RRP12: variants seen among roughly 807,000 people sequenced by gnomAD.
The protein encoded by RRP12 is ribosomal RNA processing 12 homolog.
Under a neutral mutation model 157.3 loss-of-function variants are expected in RRP12, and 78 were observed. The observed-to-expected ratio is 0.50, with a 90% CI of 0.41 to 0.60. The LOEUF is 0.60. RRP12 is among the 20% of genes least tolerant of loss of function. The pLI is 0.00. For synonymous variants in RRP12, 726 were observed against 670.9 expected (o/e 1.08, Z -1.27); for missense variants, 1,521 against 1,679.9 (o/e 0.91, Z 1.65).
chr10:97,373,092 GC>G lies in RRP12; in HGVS notation c.2134del (p.Ala712LeufsTer18). The G allele has an allele frequency of 6.2e-7, 1 of 1,614,072 alleles. No individual in the cohort carries two copies. Among genetic ancestry groups the G allele is most frequent in the Non-Finnish European group, 8.5e-7 (1 of 1,179,940 alleles). Reference sequence around the variant, plus strand: ...GTAAGTTCTGATGGTTTCCAGCACAGCCCGGCGAGGGGCTGGAGTGTCCCCG... The same window carrying G: ...GTAAGTTCTGATGGTTTCCAGCACAGCCGGCGAGGGGCTGGAGTGTCCCCG... ...AAGDTPAPRRAVLETIRTYLT... is the reference protein window; with the variant it reads ...AAGDTPAPRRXVLETIRTYLT... On this transcript the variant is annotated frameshift_variant, in exon 18 of 34. Coordinates refer to ENST00000370992, the MANE Select transcript of RRP12 (RefSeq NM_015179.4). LOFTEE classifies it high-confidence loss of function.
intron 22 of RRP12, 30 bp downstream of exon 22, chr10:97,370,686 C>A (rs866953707): frequency 1.2e-6 from 2 of 1,610,042 alleles, no homozygotes; most frequent in Non-Finnish European, 1.7e-6. Flanking sequence ...ATTCCAGGGA[C>A]CCCCCTCTAA....
intron 2 of RRP12, among the ~76,000 whole-genome samples, chr10:97,399,810 T>G (rs1845086691): frequency 2.0e-5 from 3 of 150,848 alleles, no homozygotes; most frequent in Admixed American, 6.6e-5. Flanking sequence ...GGCAGCTACT[T>G]GGGAGGCTGA....
Position 97,396,433 on chromosome 10 carries a change from G to A in RRP12, c.370-132C>T. 5.6e-6 allele frequency: 4 copies of A among 710,674 alleles called. No homozygotes were observed. In the South Asian group the frequency reaches 6.2e-5, roughly 11 times the overall value. The allele number at this position is 710,674 out of a possible 1,614,324, so 44.0% of individuals were successfully genotyped here. A position where few individuals can be genotyped will look rare whatever the true frequency, so the allele number is the denominator to read the frequency against. On this transcript the variant is annotated intron_variant, in intron 2 of 33. Transcript: ENST00000370992. Reference sequence around the variant, plus strand: ...GACAGACAAGACAGGCAACATTCAGGGCCTAGGTCCATACCAGGGGGCCCA... The same window carrying A: ...GACAGACAAGACAGGCAACATTCAGAGCCTAGGTCCATACCAGGGGGCCCA...
intron 13 of RRP12, 115 bp from the exon 14 acceptor site, chr10:97,379,885 G>C (rs1844419691): frequency 9.7e-7 from 1 of 1,030,700 alleles, no homozygotes; most frequent in Non-Finnish European, 1.4e-6. Context: ...CGCTACACCA[G>C]AGGGTACAGA....
Position 97,372,993 on chromosome 10 carries a change from C to T in RRP12, c.2181+53G>A, listed in dbSNP as rs559028800. The stretch of plus-strand genomic sequence containing the variant: ...GGGTAGGGTCTCGGCCTCTCTGACC[C>T]TGCCCACCTGAGAGCTCCCCTCCTC... On this transcript the variant is annotated intron_variant, in intron 18 of 33. Coordinates refer to ENST00000370992, the MANE Select transcript of RRP12 (RefSeq NM_015179.4). 1.9e-6 allele frequency: 3 copies of T among 1,553,002 alleles called. 1 individual carries two copies. Among genetic ancestry groups the T allele is most frequent in the East Asian group, 4.7e-5 (2 of 42,606 alleles).
intron 15 of RRP12, among the ~76,000 whole-genome samples, 165 bp downstream of exon 15, chr10:97,379,128 G>C (rs371604331): frequency 2.3e-4 from 35 of 152,320 alleles, no homozygotes; most frequent in Middle Eastern, 6.8e-3. Flanking sequence ...AGCAGGGAGG[G>C]AGACAGGCAC....
intron 4 of RRP12, among the ~76,000 whole-genome samples, chr10:97,392,593 C>G (rs1421676627): frequency 1.3e-5 from 2 of 152,134 alleles, no homozygotes; most frequent in African/African-American, 4.8e-5. Context: ...AAGCAATCCT[C>G]CTGCCTCAGC....
At chr10:97,392,371 A>G (rs1437844749) in intron 4 of RRP12, among the ~76,000 whole-genome samples, 1 of 152,142 alleles carries the variant, frequency 6.6e-6, no homozygotes, top group Admixed American at 6.6e-5. Context: ...ATTTATTGAG[A>G]TGGAGTCTCA....
chr10:97,358,637 C>T lies in RRP12; in HGVS notation c.3709-18G>A, dbSNP rs377232999. 1 of 1,600,716 alleles carries T rather than the reference C, an allele frequency of 6.2e-7. No homozygotes were observed. The highest frequency in any genetic ancestry group is 8.6e-7 in the Non-Finnish European group (1 of 1,168,336). On this transcript the variant is annotated intron_variant, in intron 32 of 33. Transcript: ENST00000370992. ...TTTGCTTTCTGCTTGCCCAGAGAAA[C>T]AGAGTCAGCTAGGAGGGTGGGGTTC... is the stretch of plus-strand genomic sequence containing the variant.
At chr10:97,370,108 C>A in intron 24 of RRP12, 59 bp downstream of exon 24, 1 of 1,224,474 alleles carries the variant, frequency 8.2e-7, no homozygotes, top group Non-Finnish European at 1.2e-6. Context: ...TTATCCTGAC[C>A]TTTTGGGCAT....
At chr10:97,371,434 T>C in intron 20 of RRP12, 1 of 283,800 alleles carries the variant, frequency 3.5e-6, no homozygotes, top group Non-Finnish European at 6.8e-6. Flanking sequence ...AACTCCTTGC[T>C]CCTCCAAACC....
chr10:97,361,224 T>C (rs1326670623), intron 30 of RRP12, among the ~76,000 whole-genome samples: 1 of 152,112 alleles, frequency 6.6e-6, no homozygotes, highest in African/African-American at 2.4e-5. Flanking sequence ...CGTCAGCTCG[T>C]CAATTATATT....
At chr10:97,362,806 A>G (rs1843879052) in intron 30 of RRP12, among the ~76,000 whole-genome samples, 1 of 152,158 alleles carries the variant, frequency 6.6e-6, no homozygotes, top group Non-Finnish European at 1.5e-5. Flanking sequence ...CGCTGTCACA[A>G]TGCTCTAATA....
At chr10:97,384,888 C>A (rs556656293) in intron 10 of RRP12, among the ~76,000 whole-genome samples, 1 of 151,480 alleles carries the variant, frequency 6.6e-6, no homozygotes, top group South Asian at 2.1e-4. Context: ...CCTGAGGACC[C>A]CCAATCTTGG....
Position 97,371,037 on chromosome 10 carries a change from C to T in RRP12, c.2388G>A (p.Glu796=), listed in dbSNP as rs1844137488. The T allele has an allele frequency of 1.2e-6, 2 of 1,613,838 alleles. No individual in the cohort carries two copies. The highest frequency in any genetic ancestry group is 1.7e-6 in the Non-Finnish European group (2 of 1,179,992). ...GVQKKAYRVL[E]EVCASPQGPG... The stretch of plus-strand genomic sequence containing the variant: ...GGCCCTGAGGACTGGCACACACCTC[C>T]TCCAGCACTCGGTAGGCCTTCTTCT... The change falls in exon 21 of 34, where the codon GAG becomes GAA. Residue 796 remains glutamate (E), a synonymous_variant. Coordinates refer to ENST00000370992, the MANE Select transcript of RRP12 (RefSeq NM_015179.4).
At chr10:97,399,946 A>G (rs545142462) in intron 2 of RRP12, among the ~76,000 whole-genome samples, 95 of 131,544 alleles carry the variant, frequency 7.2e-4, no homozygotes, top group African/African-American at 2.8e-3. Context: ...AAGTTAAATT[A>G]AAGTAAATAA....
rs2133053964 is a variant in RRP12, at chr10:97,373,813, C to T, written c.1863+17G>A. 1.2e-6 allele frequency: 2 copies of T among 1,613,806 alleles called. No homozygotes were observed. The highest frequency in any genetic ancestry group is 1.7e-6 in the Non-Finnish European group (2 of 1,179,796). Reference sequence around the variant, plus strand: ...CCTGTGTGCTTCTCCCCACGCCCTCCCCCAGCTGACCCTTACCTGCCACTG... The same window carrying T: ...CCTGTGTGCTTCTCCCCACGCCCTCTCCCAGCTGACCCTTACCTGCCACTG... On this transcript the variant is annotated intron_variant, in intron 16 of 33. Coordinates refer to ENST00000370992, the MANE Select transcript of RRP12 (RefSeq NM_015179.4).
chr10:97,370,488 G>A lies in RRP12; in HGVS notation c.2656C>T (p.His886Tyr). 3 of 1,609,946 alleles carry A rather than the reference G, an allele frequency of 1.9e-6. No individual in the cohort carries two copies. Among genetic ancestry groups the A allele is most frequent in the Non-Finnish European group, 2.5e-6 (3 of 1,178,220 alleles). The stretch of plus-strand genomic sequence containing the variant: ...TTCGAGCCAAACCTTAGGAAAGCAT[G>A]GCCCATCTCCACGAGCAGTGCAAAA... ...NAFALLVEMG[H>Y]AFLRFGSNQE... Residue 886 changes from histidine (H) to tyrosine (Y), a missense_variant, in exon 23 of 34, where the codon CAT becomes TAT. By Grantham distance (83) the His-to-Tyr change is moderately conservative. Coordinates refer to ENST00000370992, the MANE Select transcript of RRP12 (RefSeq NM_015179.4).
rs1454378384 is a variant in RRP12, at chr10:97,395,200, A to G, written c.453+1018T>C. On this transcript the variant is annotated intron_variant, in intron 3 of 33. Coordinates refer to ENST00000370992, the MANE Select transcript of RRP12 (RefSeq NM_015179.4). ...AAAACAAAATAAAAAGTATATATATACACATATACACACACACACACACAT... is the reference window on the plus strand; with the variant it reads ...AAAACAAAATAAAAAGTATATATATGCACATATACACACACACACACACAT... Among the ~76,000 whole-genome samples, 14 of 131,520 alleles carry G rather than the reference A, an allele frequency of 1.1e-4. No individual in the cohort carries two copies. The East Asian group carries it at 2.6e-3, about 24-fold the overall frequency. 86.3% of individuals were successfully genotyped at this position (131,520 alleles called of 152,430 possible).
Sources: gnomAD v4.1 joint callset for allele counts (sites outside exome capture counted in the v4.1 genomes callset) on GRCh38, gnomAD v4.1.1 for gene constraint, MANE v1.5 for transcripts, NCBI Gene and HGNC (gene_info 2026-07-23, HGNC 2026-07-21) for gene names.